The following INPP4B variants were observed in gnomAD, a reference collection of about 807,000 sequenced individuals.
INPP4B encodes inositol polyphosphate-4-phosphatase type II B, also known as inositol polyphosphate 4-phosphatase type II.
In INPP4B, 55 loss-of-function variants were observed where a neutral mutation model predicts 122.5. The ratio of observed to expected loss-of-function variants is 0.45; its 90% CI spans 0.36 to 0.56. The LOEUF (loss-of-function observed/expected upper bound fraction) is 0.56. INPP4B is among the 20% of genes least tolerant of loss of function. INPP4B has a pLI of 0.00. For synonymous variants in INPP4B, 403 were observed against 388.7 expected (o/e 1.04, Z -0.43); for missense variants, 1,000 against 1,097.7 (o/e 0.91, Z 1.26).
intron 1 of INPP4B, among the ~76,000 whole-genome samples, chr4:142,734,117 A>G (rs1485410742): frequency 2.0e-5 from 3 of 152,152 alleles, no homozygotes; most frequent in African/African-American, 7.2e-5. Context: ...ATTAAGGTTA[A>G]ATTAGGTCTT....
At chr4:142,230,250 G>T (rs889564157) in intron 12 of INPP4B, among the ~76,000 whole-genome samples, 5 of 152,086 alleles carry the variant, frequency 3.3e-5, no homozygotes, top group South Asian at 4.1e-4. Context: ...ATATAACTCA[G>T]ATGTGCAGGA....
chr4:142,215,307 A>C (rs1237443203), intron 12 of INPP4B, among the ~76,000 whole-genome samples: 1 of 152,220 alleles, frequency 6.6e-6, no homozygotes, highest in Non-Finnish European at 1.5e-5. Context: ...GACAAACAGC[A>C]ACAAAAATAA....
At chr4:142,683,510 A>G (rs1283639767) in intron 2 of INPP4B, among the ~76,000 whole-genome samples, 2 of 151,744 alleles carry the variant, frequency 1.3e-5, no homozygotes, top group Non-Finnish European at 2.9e-5. Context: ...GAAAAATGCT[A>G]TCTACCGCTT....
chr4:142,470,918 T>G (rs1206724194), intron 2 of INPP4B, among the ~76,000 whole-genome samples: 1 of 152,190 alleles, frequency 6.6e-6, no homozygotes, highest in Non-Finnish European at 1.5e-5. Context: ...GAGGAATCTT[T>G]GAATAAATTG....
chr4:142,700,568 C>G (rs570030138), intron 2 of INPP4B, among the ~76,000 whole-genome samples: 73 of 152,226 alleles, frequency 4.8e-4, no homozygotes, highest in African/African-American at 1.7e-3. Flanking sequence ...CCCCTTCATT[C>G]CATCTTTTGG....
intron 18 of INPP4B, among the ~76,000 whole-genome samples, chr4:142,128,204 A>ATG (rs1388291734): frequency 7.2e-6 from 1 of 139,052 alleles, no homozygotes; most frequent in Non-Finnish European, 1.6e-5. Flanking sequence ...ATAAATATAT[A>ATG]TATGTGTGTG....
chr4:142,517,201 T>C (rs918144239), intron 2 of INPP4B, among the ~76,000 whole-genome samples: 2 of 152,014 alleles, frequency 1.3e-5, no homozygotes, highest in Non-Finnish European at 2.9e-5. Flanking sequence ...ATGTGAAAAT[T>C]ATTCTTCAAA....
chr4:142,628,557 TAAAA>T (rs35955830), intron 2 of INPP4B, among the ~76,000 whole-genome samples: 6 of 99,916 alleles, frequency 6.0e-5, no homozygotes, highest in Non-Finnish European at 4.0e-5. Flanking sequence ...AAACTTAAAG[TAAAA>T]AAAAAAAAAA....
At chr4:142,644,832 G>T (rs185457372) in intron 2 of INPP4B, among the ~76,000 whole-genome samples, 80 of 147,022 alleles carry the variant, frequency 5.4e-4, no homozygotes, top group Non-Finnish European at 1.0e-3. Context: ...GAACCTGGGT[G>T]GTGGAAGAGC....
At chr4:142,443,600 G>A (rs1046093518) in intron 3 of INPP4B, among the ~76,000 whole-genome samples, 1 of 152,162 alleles carries the variant, frequency 6.6e-6, no homozygotes, top group South Asian at 2.1e-4. Flanking sequence ...GAAAGATGAC[G>A]ATAGAGAATG....
At chr4:142,194,500 G>A (rs767141321) in intron 14 of INPP4B, among the ~76,000 whole-genome samples, 2 of 152,114 alleles carry the variant, frequency 1.3e-5, no homozygotes, top group Non-Finnish European at 2.9e-5. Flanking sequence ...AGGCTCAAAA[G>A]ATCACCCCAA....
At chr4:142,335,463 A>G (rs968092157) in intron 7 of INPP4B, among the ~76,000 whole-genome samples, 1 of 152,160 alleles carries the variant, frequency 6.6e-6, no homozygotes. Flanking sequence ...TTTACTCCTC[A>G]TAACCCCAAA....
intron 2 of INPP4B, among the ~76,000 whole-genome samples, chr4:142,654,238 G>T (rs1203675215): frequency 1.3e-5 from 2 of 152,002 alleles, no homozygotes; most frequent in African/African-American, 2.4e-5. Context: ...GGGGGCTCGG[G>T]AAGGGATAGA....
chr4:142,611,390 T>C (rs144707711), intron 2 of INPP4B, among the ~76,000 whole-genome samples: 10 of 152,304 alleles, frequency 6.6e-5, no homozygotes, highest in Non-Finnish European at 1.3e-4. Flanking sequence ...TATATGCTGG[T>C]ATTTATAAGC....
At chr4:142,714,969 C>T (rs1763576789) in intron 2 of INPP4B, among the ~76,000 whole-genome samples, 1 of 152,108 alleles carries the variant, frequency 6.6e-6, no homozygotes, top group Non-Finnish European at 1.5e-5. Context: ...AAACAATTGT[C>T]CACATGTGCA....
intron 7 of INPP4B, among the ~76,000 whole-genome samples, chr4:142,391,934 A>T (rs188566571): frequency 6.6e-6 from 1 of 152,290 alleles, no homozygotes; most frequent in African/African-American, 2.4e-5. Context: ...AAGCTTTCCC[A>T]TGGAAGAGGG....
chr4:142,755,083 TGAC>T (rs1412515191), intron 1 of INPP4B, among the ~76,000 whole-genome samples: 1 of 152,084 alleles, frequency 6.6e-6, no homozygotes, highest in Non-Finnish European at 1.5e-5. Flanking sequence ...CTCATTCTGA[TGAC>T]TGATCCCATT....
At chr4:142,264,767 C>G (rs1446445893) in intron 10 of INPP4B, among the ~76,000 whole-genome samples, 1 of 152,066 alleles carries the variant, frequency 6.6e-6, no homozygotes, top group Non-Finnish European at 1.5e-5. Flanking sequence ...ACTGTGTCTT[C>G]CAAAGTTCAT....
chr4:142,083,249 C>T (rs1047186417), intron 24 of INPP4B, among the ~76,000 whole-genome samples: 1 of 152,104 alleles, frequency 6.6e-6, no homozygotes, highest in Non-Finnish European at 1.5e-5. Flanking sequence ...CAGAGCAGAA[C>T]CAGGATTCAA....
Sources: gnomAD v4.1 joint callset for allele counts (sites outside exome capture counted in the v4.1 genomes callset) on GRCh38, gnomAD v4.1.1 for gene constraint, MANE v1.5 for transcripts, NCBI Gene and HGNC (gene_info 2026-07-23, HGNC 2026-07-21) for gene names.